Variants in C12orf54 observed in about 807,000 individuals in gnomAD.
The protein encoded by C12orf54 is chromosome 12 open reading frame 54.
A neutral mutation model predicts 26.4 loss-of-function variants in C12orf54; 24 were observed. The observed-to-expected ratio is 0.91, with a 90% CI of 0.66 to 1.28. The LOEUF (loss-of-function observed/expected upper bound fraction) is 1.28, where lower values mean the gene tolerates loss of function less well. Ranked by LOEUF, C12orf54 falls within the 50% of genes most tolerant of loss-of-function variation. The pLI is 0.00. For synonymous variants in C12orf54, 54 were observed against 47.0 expected (o/e 1.15, Z -0.61); for missense variants, 154 against 150.9 (o/e 1.02, Z -0.11).
the C12orf54 span, among the ~76,000 whole-genome samples, chr12:48,464,779 A>G: frequency 1.1e-4 from 17 of 152,190 alleles, no homozygotes; most frequent in Non-Finnish European, 2.4e-4. Flanking sequence ...ACCTACAACT[A>G]TCTGATCTTC....
At chr12:48,423,887 G>A in the C12orf54 span, among the ~76,000 whole-genome samples, 3 of 152,006 alleles carry the variant, frequency 2.0e-5, no homozygotes, top group Admixed American at 6.6e-5. Flanking sequence ...TAGAAGTGGT[G>A]AAAGCAGGCA....
the C12orf54 span, among the ~76,000 whole-genome samples, chr12:48,475,097 GC>G: frequency 6.6e-6 from 1 of 152,152 alleles, no homozygotes; most frequent in African/African-American, 2.4e-5. Flanking sequence ...ACCAATATCC[GC>G]TGTTCTGCAG....
At chr12:48,437,541 A>G in the C12orf54 span, among the ~76,000 whole-genome samples, 34 of 152,342 alleles carry the variant, frequency 2.2e-4, no homozygotes, top group Admixed American at 1.8e-3. Context: ...CACATCAAAA[A>G]GTTTATCCAC....
the C12orf54 span, among the ~76,000 whole-genome samples, chr12:48,471,806 G>T: frequency 6.6e-6 from 1 of 152,014 alleles, no homozygotes; most frequent in African/African-American, 2.4e-5. Flanking sequence ...TTTTTACTTG[G>T]GGCTACTTTT....
the C12orf54 span, among the ~76,000 whole-genome samples, chr12:48,416,625 G>T: frequency 6.6e-6 from 1 of 152,270 alleles, no homozygotes; most frequent in East Asian, 1.9e-4. Flanking sequence ...ACTTTGGGAG[G>T]CCGAGACAGG....
the C12orf54 span, among the ~76,000 whole-genome samples, chr12:48,451,257 A>G: frequency 1.3e-5 from 2 of 152,206 alleles, no homozygotes; most frequent in Admixed American, 1.3e-4. Flanking sequence ...ATAGATCCAT[A>G]AAAAGGCTTT....
At chr12:48,487,503 A>C (rs938938669) in intron 4 of C12orf54, among the ~76,000 whole-genome samples, 1 of 152,260 alleles carries the variant, frequency 6.6e-6, no homozygotes, top group South Asian at 2.1e-4. Flanking sequence ...AATAATCTTA[A>C]TTACAATGCT....
At chr12:48,430,638 T>TA in the C12orf54 span, among the ~76,000 whole-genome samples, 2 of 151,814 alleles carry the variant, frequency 1.3e-5, no homozygotes, top group Admixed American at 6.6e-5. Flanking sequence ...ATTAAAAAAA[T>TA]AAAAAAGCAG....
At chr12:48,434,365 T>C in the C12orf54 span, among the ~76,000 whole-genome samples, 2 of 152,154 alleles carry the variant, frequency 1.3e-5, no homozygotes, top group African/African-American at 2.4e-5. Context: ...AAGACAGCAA[T>C]AACCTCTGCA....
chr12:48,419,434 A>G, the C12orf54 span, among the ~76,000 whole-genome samples: 1 of 152,244 alleles, frequency 6.6e-6, no homozygotes, highest in Non-Finnish European at 1.5e-5. Flanking sequence ...GATCCGCACA[A>G]TTAACCAATT....
the C12orf54 span, among the ~76,000 whole-genome samples, chr12:48,458,216 C>T: frequency 9.2e-5 from 14 of 152,232 alleles, no homozygotes; most frequent in Non-Finnish European, 1.6e-4. Context: ...AATGCACAAA[C>T]TGCCCTTGGC....
the C12orf54 span, among the ~76,000 whole-genome samples, chr12:48,451,736 C>T: frequency 6.6e-6 from 1 of 152,148 alleles, no homozygotes; most frequent in South Asian, 2.1e-4. Context: ...AACTCCCATT[C>T]ACAATTGCCA....
the C12orf54 span, chr12:48,472,785 T>C: frequency 3.1e-6 from 5 of 1,614,034 alleles, no homozygotes; most frequent in Admixed American, 1.7e-5. Flanking sequence ...CACAGATGAA[T>C]TTGAAGAACT....
the C12orf54 span, among the ~76,000 whole-genome samples, chr12:48,476,553 C>T: frequency 6.6e-6 from 1 of 152,154 alleles, no homozygotes; most frequent in Non-Finnish European, 1.5e-5. Context: ...GGAGGAAGAT[C>T]TACCAAACAA....
the C12orf54 span, among the ~76,000 whole-genome samples, chr12:48,414,860 G>A: frequency 1.3e-5 from 2 of 152,108 alleles, no homozygotes; most frequent in African/African-American, 4.8e-5. Flanking sequence ...CTCAGGTTTG[G>A]CAGGACCTGA....
At chr12:48,428,835 A>G in the C12orf54 span, among the ~76,000 whole-genome samples, 55 of 151,768 alleles carry the variant, frequency 3.6e-4, no homozygotes, top group African/African-American at 1.3e-3. Context: ...GCATCACGCT[A>G]ATACCAAAAC....
At chr12:48,489,224 G>A (rs1169642393) in intron 5 of C12orf54, 7 of 640,460 alleles carry the variant, frequency 1.1e-5, no homozygotes, top group Non-Finnish European at 1.7e-5. Context: ...TACTCTATGT[G>A]GTTGTATGAA....
the C12orf54 span, among the ~76,000 whole-genome samples, chr12:48,420,091 T>C: frequency 1.3e-5 from 2 of 152,096 alleles, no homozygotes; most frequent in African/African-American, 4.8e-5. Flanking sequence ...GTTTTTTTTT[T>C]CACTACTTTC....
chr12:48,467,966 C>T, the C12orf54 span, among the ~76,000 whole-genome samples: 2 of 152,072 alleles, frequency 1.3e-5, no homozygotes, highest in East Asian at 1.9e-4. Flanking sequence ...AATGCGATGG[C>T]TTCCCACCCA....
Sources: allele counts gnomAD v4.1 joint callset (sites outside exome capture counted in the v4.1 genomes callset), GRCh38; gene constraint gnomAD v4.1.1; transcripts MANE v1.5; gene names NCBI Gene and HGNC (gene_info 2026-07-23, HGNC 2026-07-21).